Variants in ATP2B2 observed in about 807,000 individuals in gnomAD.
ATP2B2 encodes the protein plasma membrane calcium-transporting ATPase 2.
A neutral mutation model predicts 120.0 loss-of-function variants in ATP2B2; 15 were observed. The ratio of observed to expected loss-of-function variants is 0.12; its 90% CI spans 0.08 to 0.19. The LOEUF (loss-of-function observed/expected upper bound fraction) is 0.19, where lower values mean the gene tolerates loss of function less well. Ranked by LOEUF, ATP2B2 falls within the 10% of genes least tolerant of loss-of-function variation. The probability of loss-of-function intolerance (pLI) is 1.00; values close to 1 mark genes in which losing one functional copy is unlikely to be tolerated. For synonymous variants in ATP2B2, 694 were observed against 700.3 expected (o/e 0.99, Z 0.14); for missense variants, 1,045 against 1,719.8 (o/e 0.61, Z 6.94).
intron 5 of ATP2B2, among the ~76,000 whole-genome samples, chr3:10,389,146 AC>A (rs2061771124): frequency 6.6e-6 from 1 of 152,178 alleles, no homozygotes; most frequent in South Asian, 2.1e-4. Context: ...GTTCCAAAGG[AC>A]CCTGACATTC....
chr3:10,541,190 G>C (rs1227392458), intron 2 of ATP2B2, among the ~76,000 whole-genome samples: 1 of 151,990 alleles, frequency 6.6e-6, no homozygotes, highest in Non-Finnish European at 1.5e-5. Context: ...AGAATTTTTT[G>C]ATGTTATTGA....
At chr3:10,595,897 C>G (rs773518337) in intron 2 of ATP2B2, among the ~76,000 whole-genome samples, 1 of 152,160 alleles carries the variant, frequency 6.6e-6, no homozygotes. Flanking sequence ...TTATTGCTGT[C>G]CCCTTTGAGC....
chr3:10,626,526 A>T (rs2069703763), intron 1 of ATP2B2: 2 of 152,142 alleles, frequency 1.3e-5, no homozygotes, highest in Admixed American at 6.6e-5. Context: ...GCTAGAAAGA[A>T]AAGTGGATAT....
intron 1 of ATP2B2, among the ~76,000 whole-genome samples, chr3:10,664,400 C>A (rs941894925): frequency 6.6e-6 from 1 of 152,132 alleles, no homozygotes; most frequent in African/African-American, 2.4e-5. Flanking sequence ...CAAATCAAAG[C>A]CCCTCTCGCC....
At chr3:10,404,182 G>A (rs1297684669) in intron 3 of ATP2B2, among the ~76,000 whole-genome samples, 1 of 152,196 alleles carries the variant, frequency 6.6e-6, no homozygotes, top group Non-Finnish European at 1.5e-5. Context: ...CCAGCTGCAT[G>A]CACCCCTGGA....
intron 3 of ATP2B2, among the ~76,000 whole-genome samples, chr3:10,522,095 G>A (rs971647876): frequency 2.0e-5 from 3 of 152,164 alleles, no homozygotes; most frequent in Non-Finnish European, 4.4e-5. Context: ...AGGCAGAAAG[G>A]AAAATGAATG....
At chr3:10,633,531 A>C (rs1341333142) in intron 1 of ATP2B2, among the ~76,000 whole-genome samples, 1 of 152,204 alleles carries the variant, frequency 6.6e-6, no homozygotes, top group East Asian at 1.9e-4. Context: ...TTTAGTATGA[A>C]TTTCTTCACA....
At chr3:10,436,041 G>A (rs1001251529) in intron 2 of ATP2B2, among the ~76,000 whole-genome samples, 6 of 152,108 alleles carry the variant, frequency 3.9e-5, no homozygotes, top group African/African-American at 9.7e-5. Flanking sequence ...TGGCCTAAGC[G>A]TGGGCATGTG....
At chr3:10,528,842 C>T (rs765405372) in intron 3 of ATP2B2, among the ~76,000 whole-genome samples, 1 of 152,200 alleles carries the variant, frequency 6.6e-6, no homozygotes, top group East Asian at 1.9e-4. Flanking sequence ...GCCCGTGATC[C>T]CGGCTACTTG....
chr3:10,402,391 C>G lies in ATP2B2; in HGVS notation c.398-43G>C. On this transcript the variant is annotated intron_variant, in intron 3 of 22. Transcript: ENST00000360273. The surrounding 1 kb of genome is among the most constrained non-coding windows in gnomAD (Gnocchi z 4.9). ...AGCAGGCAGAGTGAGGTCAACCAGACAGGAGAGGCCTCATGGGCCTGGATT... is the reference window on the plus strand; with the variant it reads ...AGCAGGCAGAGTGAGGTCAACCAGAGAGGAGAGGCCTCATGGGCCTGGATT... 6.2e-7 allele frequency: 1 copy of G among 1,608,354 alleles called. No individual in the cohort carries two copies. The highest frequency in any genetic ancestry group is 8.5e-7 in the Non-Finnish European group (1 of 1,179,912).
At chr3:10,422,567 C>G (rs1386404946) in intron 2 of ATP2B2, among the ~76,000 whole-genome samples, 4 of 152,134 alleles carry the variant, frequency 2.6e-5, no homozygotes, top group Admixed American at 2.6e-4. Flanking sequence ...CCTGATCCTC[C>G]CTGATAGCAT....
In ATP2B2 at chr3:10,440,100, TAAAAAAAA is replaced by T. The variant is rs71055819; in HGVS notation, c.199+9237_199+9244del. The stretch of plus-strand genomic sequence containing the variant: ...CTGGGCAACAGAGTGAGACTCTATC[TAAAAAAAA>T]AAAAAAAAAAAAAAAAAAAAAAGGA... On this transcript the variant is annotated intron_variant, in intron 2 of 22. Transcript: ENST00000360273. Among the ~76,000 whole-genome samples, 6 of 28,142 alleles carry T rather than the reference TAAAAAAAA, an allele frequency of 2.1e-4. No homozygotes were observed. The Admixed American group carries it at 3.0e-3, about 14-fold the overall frequency. 18.5% of individuals were successfully genotyped at this position (28,142 alleles called of 152,430 possible). A position where few individuals can be genotyped will look rare whatever the true frequency, so the allele number is the denominator to read the frequency against.
At chr3:10,538,446 T>A (rs1328292694) in intron 2 of ATP2B2, among the ~76,000 whole-genome samples, 1 of 152,076 alleles carries the variant, frequency 6.6e-6, no homozygotes, top group Non-Finnish European at 1.5e-5. Context: ...TAGACCAATA[T>A]CCCTGATGAA....
At chr3:10,398,219 A>T (rs1256606039) in intron 5 of ATP2B2, among the ~76,000 whole-genome samples, 1 of 152,172 alleles carries the variant, frequency 6.6e-6, no homozygotes, top group Non-Finnish European at 1.5e-5. Context: ...CATCCACCAG[A>T]TTACCAGCGA....
intron 3 of ATP2B2, among the ~76,000 whole-genome samples, chr3:10,517,128 C>G (rs938395636): frequency 6.6e-6 from 1 of 152,218 alleles, no homozygotes; most frequent in African/African-American, 2.4e-5. Context: ...AAAGAATGAG[C>G]CTTTTGATTC....
At chr3:10,488,180 C>CCCATCTATCCATCCACCCATCTATCCAT (rs2065772843) in intron 1 of ATP2B2, among the ~76,000 whole-genome samples, 1 of 142,854 alleles carries the variant, frequency 7.0e-6, no homozygotes, top group Non-Finnish European at 1.5e-5. Flanking sequence ...CATCTACCCA[C>CCCATCTATCCATCCACCCATCTATCCAT]CCATCTATCC....
chr3:10,434,340 C>T (rs1044757427), intron 2 of ATP2B2, among the ~76,000 whole-genome samples: 2 of 152,210 alleles, frequency 1.3e-5, no homozygotes, highest in Admixed American at 1.3e-4. Flanking sequence ...GTCCCTGAGG[C>T]CCTCCTGCAA....
intron 12 of ATP2B2, among the ~76,000 whole-genome samples, chr3:10,369,945 A>G (rs886213857): frequency 1.3e-5 from 2 of 152,300 alleles, no homozygotes; most frequent in East Asian, 1.9e-4. Flanking sequence ...AGGCGCAGGT[A>G]TCTATGATGC....
At chr3:10,419,216 C>T (rs2062889436) in intron 2 of ATP2B2, among the ~76,000 whole-genome samples, 1 of 152,234 alleles carries the variant, frequency 6.6e-6, no homozygotes, top group African/African-American at 2.4e-5. Flanking sequence ...GAAGCCCCTC[C>T]CACCACGGGT....
Sources: allele counts gnomAD v4.1 joint callset (sites outside exome capture counted in the v4.1 genomes callset), GRCh38; gene constraint gnomAD v4.1.1; non-coding constraint Gnocchi (gnomAD v3.1); transcripts MANE v1.5; gene names NCBI Gene and HGNC (gene_info 2026-07-23, HGNC 2026-07-21).